LZIC: variants seen among roughly 807,000 people sequenced by gnomAD.
The protein encoded by LZIC is leucine zipper and CTNNBIP1 domain containing.
LZIC carries 28 observed loss-of-function variants against 25.4 expected under a neutral mutation model. The ratio of observed to expected loss-of-function variants is 1.10; its 90% CI spans 0.82 to 1.51. The LOEUF (loss-of-function observed/expected upper bound fraction) is 1.51. LZIC is among the 40% of genes most tolerant of loss of function. The pLI, the probability that LZIC is intolerant of heterozygous loss-of-function variation, is 0.00. For missense variants in LZIC, 170 were observed against 211.1 expected (o/e 0.81, Z 1.21); for synonymous variants, 65 against 70.7 (o/e 0.92, Z 0.40).
At chr1:9,938,317 A>G (rs534561574) in intron 2 of LZIC, among the ~76,000 whole-genome samples, 18 of 151,924 alleles carry the variant, frequency 1.2e-4, no homozygotes, top group Non-Finnish European at 2.4e-4. Context: ...ACAGGCACAC[A>G]CCACCACACC....
chr1:9,923,076 A>C (rs190147855), downstream of LZIC, among the ~76,000 whole-genome samples: 533 of 152,320 alleles, frequency 3.5e-3, 2 homozygotes, highest in Non-Finnish European at 3.4e-3. Flanking sequence ...CAGGAAAGGA[A>C]AAGACAGGAG....
intron 2 of LZIC, among the ~76,000 whole-genome samples, chr1:9,936,937 C>G (rs1262700665): frequency 6.6e-6 from 1 of 152,100 alleles, no homozygotes; most frequent in Non-Finnish European, 1.5e-5. Flanking sequence ...CAAGACCATC[C>G]TGGCTAACAT....
intron 7 of LZIC, among the ~76,000 whole-genome samples, chr1:9,931,514 G>C (rs188196865): frequency 6.6e-6 from 1 of 151,244 alleles, no homozygotes; most frequent in South Asian, 2.1e-4. Flanking sequence ...TGCCCGCCTC[G>C]GCCTCACAAA....
intron 7 of LZIC, among the ~76,000 whole-genome samples, chr1:9,930,834 C>T (rs558441316): frequency 2.6e-5 from 4 of 151,368 alleles, no homozygotes; most frequent in Non-Finnish European, 4.4e-5. Context: ...ATTATCCTTG[C>T]CTCAGCCTCC....
intron 5 of LZIC, among the ~76,000 whole-genome samples, chr1:9,933,612 A>G (rs895175013): frequency 6.6e-6 from 1 of 152,108 alleles, no homozygotes; most frequent in Admixed American, 6.6e-5. Flanking sequence ...GATGAATAAA[A>G]TAAGTTGTCC....
At chr1:9,936,044 G>A (rs1274722435) in intron 3 of LZIC, among the ~76,000 whole-genome samples, 1 of 151,500 alleles carries the variant, frequency 6.6e-6, no homozygotes, top group East Asian at 1.9e-4. Context: ...CAGGAGAATC[G>A]CTTGAACTTG....
At chr1:9,938,913 C>G (rs1199028298) in intron 2 of LZIC, among the ~76,000 whole-genome samples, 1 of 152,118 alleles carries the variant, frequency 6.6e-6, no homozygotes, top group Non-Finnish European at 1.5e-5. Flanking sequence ...AAGTAGGGGT[C>G]TAACTTTCCT....
intron 7 of LZIC, 69 bp downstream of exon 7, chr1:9,931,822 C>T (rs1262163366): frequency 7.0e-6 from 7 of 995,394 alleles, no homozygotes; most frequent in Non-Finnish European, 1.1e-5. Flanking sequence ...CAACCACACT[C>T]TCCATCAGTT....
At chr1:9,934,214 C>A (rs1366007037) in intron 5 of LZIC, among the ~76,000 whole-genome samples, 2 of 147,458 alleles carry the variant, frequency 1.4e-5, no homozygotes, top group Non-Finnish European at 3.0e-5. Flanking sequence ...GGCAACAGAA[C>A]AAGACCCCAT....
chr1:9,942,516 G>C (rs1240547694), intron 2 of LZIC, 108 bp downstream of exon 2: 5 of 358,718 alleles, frequency 1.4e-5, no homozygotes, highest in Non-Finnish European at 2.5e-5. Flanking sequence ...TTAACTCGTT[G>C]GCACCACCTA....
At position 9,930,235 on chromosome 1, in the gene LZIC, G is replaced by A. The variant is rs78138313; in HGVS notation, c.*164C>T. The stretch of plus-strand genomic sequence containing the variant: ...GTAACCGCACACAACGCACAATGAT[G>A]AAGAGCATAAACACAAGCCATAAGT... On this transcript the variant is annotated 3_prime_UTR_variant, in exon 8 of 8. Coordinates refer to ENST00000377223, the MANE Select transcript of LZIC (RefSeq NM_032368.5). 3.5e-3 allele frequency: 5,224 copies of A among 1,486,018 alleles called. 111 individuals are homozygous for A. The African/African-American group carries it at 0.056, about 16-fold the overall frequency. 92.1% of individuals were successfully genotyped at this position (1,486,018 alleles called of 1,614,324 possible).
At chr1:9,922,869 A>T (rs1639895195), downstream of LZIC, among the ~76,000 whole-genome samples, 1 of 152,232 alleles carries the variant, frequency 6.6e-6, no homozygotes, top group Non-Finnish European at 1.5e-5. Flanking sequence ...TCTGAAAAGG[A>T]TAAAGGAACT....
chr1:9,934,148 G>C (rs1382790767), intron 5 of LZIC, among the ~76,000 whole-genome samples: 1 of 150,964 alleles, frequency 6.6e-6, no homozygotes, highest in African/African-American at 2.4e-5. Flanking sequence ...AGAATCACTT[G>C]AACCCAGAGG....
chr1:9,927,362 C>T lies in LZIC; in HGVS notation c.*3037G>A, dbSNP rs1640017884. ...CTCACTTTGTCAGCCAGTACAGTGG[C>T]GTGATCTCAGTTCACTGCAACCTCT... On this transcript the variant is annotated 3_prime_UTR_variant, in exon 8 of 8. Coordinates refer to ENST00000377223, the MANE Select transcript of LZIC (RefSeq NM_032368.5). Among the ~76,000 whole-genome samples, 1 of 152,016 alleles carries T rather than the reference C, an allele frequency of 6.6e-6. No individual in the cohort carries two copies. The highest frequency in any genetic ancestry group is 1.5e-5 in the Non-Finnish European group (1 of 68,008).
downstream of LZIC, chr1:9,922,374 G>C (rs953730119): frequency 7.8e-5 from 75 of 957,178 alleles, no homozygotes; most frequent in Non-Finnish European, 8.8e-5. Context: ...GAGCGAAAGT[G>C]AACTATTTTT....
chr1:9,925,626 G>A (rs553364930), downstream of LZIC, among the ~76,000 whole-genome samples: 1 of 152,032 alleles, frequency 6.6e-6, no homozygotes, highest in African/African-American at 2.4e-5. Context: ...AGTCTCCTCT[G>A]TCGCCCAGGC....
rs1027537849 is a variant in LZIC at position 9,926,907 on chromosome 1, A to G, written c.*3492T>C. Reference sequence around the variant, plus strand: ...CATAGAATTTACTCACTTTTCAAATACTTATTCTGAATGAATACCAAATTT... The same window carrying G: ...CATAGAATTTACTCACTTTTCAAATGCTTATTCTGAATGAATACCAAATTT... On this transcript the variant is annotated 3_prime_UTR_variant, in exon 8 of 8. Transcript: ENST00000377223. Among the ~76,000 whole-genome samples the G allele has an allele frequency of 5.9e-5, 9 of 152,234 alleles. No homozygotes were observed. Among genetic ancestry groups the G allele is most frequent in the Non-Finnish European group, 1.3e-4 (9 of 68,044 alleles).
downstream of LZIC, chr1:9,922,247 G>C: frequency 2.1e-6 from 2 of 964,656 alleles, no homozygotes; most frequent in Non-Finnish European, 2.5e-6. Flanking sequence ...TTGCAGTTAC[G>C]CATGTATTCA....
intron 6 of LZIC, 94 bp downstream of exon 6, chr1:9,932,709 T>G: frequency 4.6e-6 from 2 of 439,402 alleles, no homozygotes; most frequent in Admixed American, 4.6e-5. Context: ...AAAAAAAGAA[T>G]GTCTTAGTAC....
Sources: allele counts gnomAD v4.1 joint callset (sites outside exome capture counted in the v4.1 genomes callset), GRCh38; gene constraint gnomAD v4.1.1; transcripts MANE v1.5; gene names NCBI Gene and HGNC (gene_info 2026-07-23, HGNC 2026-07-21).